RARB: variants seen among roughly 807,000 people sequenced by gnomAD.
RARB encodes retinoic acid receptor beta.
In RARB, 17 loss-of-function variants were observed where a neutral mutation model predicts 51.9. The ratio of observed to expected loss-of-function variants is 0.33; its 90% CI spans 0.22 to 0.49. RARB has a LOEUF of 0.49. Ranked by LOEUF, RARB falls within the 20% of genes least tolerant of loss-of-function variation. The pLI is 0.99. For missense variants in RARB, 369 were observed against 550.8 expected (o/e 0.67, Z 3.30); for synonymous variants, 215 against 195.4 (o/e 1.10, Z -0.84).
At chr3:25,548,199 G>A (rs759003036) in intron 3 of RARB, among the ~76,000 whole-genome samples, 28 of 150,992 alleles carry the variant, frequency 1.9e-4, no homozygotes, top group Non-Finnish European at 1.9e-4. Context: ...CAATCACTGT[G>A]GTAGAAGATG....
intron 5 of RARB, among the ~76,000 whole-genome samples, chr3:25,350,783 A>G (rs1705542872): frequency 6.6e-6 from 1 of 152,334 alleles, no homozygotes; most frequent in South Asian, 2.1e-4. Flanking sequence ...CAGACATGAC[A>G]ACTTCAAAAT....
chr3:25,309,129 A>ATTTTTT (rs1171133293), intron 5 of RARB, among the ~76,000 whole-genome samples: 1 of 93,008 alleles, frequency 1.1e-5, no homozygotes, highest in Admixed American at 1.1e-4. Flanking sequence ...CTGTGCCTCC[A>ATTTTTT]TTTTTTTTTT....
chr3:25,550,110 T>C (rs1371651338), intron 3 of RARB, among the ~76,000 whole-genome samples: 1 of 151,996 alleles, frequency 6.6e-6, no homozygotes, highest in East Asian at 1.9e-4. Flanking sequence ...CAAAATAAGA[T>C]GAGATTAACC....
chr3:25,191,493 T>G (rs1452618661), intron 5 of RARB, among the ~76,000 whole-genome samples: 1 of 152,112 alleles, frequency 6.6e-6, no homozygotes. Flanking sequence ...CCAGGGAGAT[T>G]CTGAGTAACT....
At chr3:25,466,095 G>A (rs913376143) in intron 2 of RARB, among the ~76,000 whole-genome samples, 9 of 152,312 alleles carry the variant, frequency 5.9e-5, no homozygotes, top group African/African-American at 2.2e-4. Context: ...AGGATAAAAT[G>A]TTTTTACTAT....
intron 2 of RARB, among the ~76,000 whole-genome samples, chr3:24,891,267 C>G (rs1703373295): frequency 6.6e-6 from 1 of 152,154 alleles, no homozygotes; most frequent in African/African-American, 2.4e-5. Context: ...ATGAGTCTTT[C>G]ATGCTAGAGG....
chr3:24,860,123 C>T (rs1469988262), intron 2 of RARB, among the ~76,000 whole-genome samples: 1 of 152,054 alleles, frequency 6.6e-6, no homozygotes, highest in Non-Finnish European at 1.5e-5. Context: ...TAATCATTTC[C>T]CAAAATGAAC....
At chr3:25,073,269 C>T (rs913593600) in intron 3 of RARB, among the ~76,000 whole-genome samples, 3 of 152,172 alleles carry the variant, frequency 2.0e-5, no homozygotes, top group Non-Finnish European at 4.4e-5. Context: ...AGTGCAGTTC[C>T]GGTGTTCCCA....
intron 2 of RARB, among the ~76,000 whole-genome samples, chr3:25,482,398 G>C (rs1189336245): frequency 6.6e-6 from 1 of 151,918 alleles, no homozygotes; most frequent in East Asian, 1.9e-4. Context: ...AGCAGAGCAT[G>C]TACTCAACAA....
At chr3:25,012,298 A>G (rs1697415825) in intron 2 of RARB, among the ~76,000 whole-genome samples, 1 of 152,122 alleles carries the variant, frequency 6.6e-6, no homozygotes, top group Non-Finnish European at 1.5e-5. Flanking sequence ...TTTGTTTCTT[A>G]TTAAAAAGAA....
At chr3:25,416,200 A>T (rs1176176321) in intron 5 of RARB, among the ~76,000 whole-genome samples, 1 of 152,214 alleles carries the variant, frequency 6.6e-6, no homozygotes, top group Non-Finnish European at 1.5e-5. Flanking sequence ...TGGGCAATGT[A>T]GTGATACCTC....
chr3:25,313,210 G>T (rs1383840637), intron 5 of RARB, among the ~76,000 whole-genome samples: 1 of 152,164 alleles, frequency 6.6e-6, no homozygotes, highest in Non-Finnish European at 1.5e-5. Flanking sequence ...AGACCCGCTT[G>T]TTTTTTCTCT....
At chr3:25,406,126 C>T (rs1707401645) in intron 5 of RARB, among the ~76,000 whole-genome samples, 1 of 152,198 alleles carries the variant, frequency 6.6e-6, no homozygotes, top group Non-Finnish European at 1.5e-5. Flanking sequence ...CTCTGACCTT[C>T]ACCAACATGA....
intron 5 of RARB, among the ~76,000 whole-genome samples, chr3:25,305,471 T>C (rs964105453): frequency 2.0e-5 from 3 of 152,222 alleles, no homozygotes; most frequent in African/African-American, 4.8e-5. Flanking sequence ...TAAAGGCTTA[T>C]TTTAAATTGG....
chr3:25,566,053 CA>C (rs1306900726), intron 3 of RARB, among the ~76,000 whole-genome samples: 1 of 152,170 alleles, frequency 6.6e-6, no homozygotes, highest in Non-Finnish European at 1.5e-5. Context: ...CACGAGGCCT[CA>C]AAGGGACCAA....
At chr3:25,075,013 A>C (rs1698844120) in intron 3 of RARB, among the ~76,000 whole-genome samples, 1 of 152,190 alleles carries the variant, frequency 6.6e-6, no homozygotes, top group Admixed American at 6.5e-5. Flanking sequence ...TAATGTGTCA[A>C]TTCAGGTTTG....
At chr3:25,389,746 C>T (rs1383518882) in intron 5 of RARB, among the ~76,000 whole-genome samples, 5 of 152,186 alleles carry the variant, frequency 3.3e-5, no homozygotes, top group Non-Finnish European at 7.4e-5. Context: ...TATCTGCTCT[C>T]TCAAAATTCA....
At chr3:25,564,318 C>T (rs549629018) in intron 3 of RARB, among the ~76,000 whole-genome samples, 1 of 152,302 alleles carries the variant, frequency 6.6e-6, no homozygotes, top group Admixed American at 6.5e-5. Flanking sequence ...CACTTAGCCC[C>T]TCACAAGGAG....
chr3:25,063,125 C>T (rs1698583338), intron 3 of RARB, among the ~76,000 whole-genome samples: 1 of 151,934 alleles, frequency 6.6e-6, no homozygotes, highest in African/African-American at 2.4e-5. Context: ...GGAGTTGAGT[C>T]TAAAGATGTA....
Sources: allele counts gnomAD v4.1 joint callset (sites outside exome capture counted in the v4.1 genomes callset), GRCh38; gene constraint gnomAD v4.1.1; transcripts MANE v1.5; gene names NCBI Gene and HGNC (gene_info 2026-07-23, HGNC 2026-07-21).